The following SDK1 variants were observed in gnomAD, a reference collection of about 807,000 sequenced individuals.
SDK1 encodes the protein protein sidekick-1.
In SDK1, 157 loss-of-function variants were observed where a neutral mutation model predicts 245.5. The observed-to-expected ratio is 0.64, with a 90% confidence interval of 0.56 to 0.73. The LOEUF (loss-of-function observed/expected upper bound fraction) is 0.73. Ranked by LOEUF, SDK1 falls within the 30% of genes least tolerant of loss-of-function variation. The pLI is 0.00. For synonymous variants in SDK1, 1,647 were observed against 1,278.5 expected (o/e 1.29, Z -6.15); for missense variants, 3,583 against 3,002.3 (o/e 1.19, Z -4.52).
intron 19 of SDK1, among the ~76,000 whole-genome samples, chr7:4,062,039 G>A (rs993376446): frequency 8.0e-5 from 12 of 150,214 alleles, no homozygotes; most frequent in Non-Finnish European, 1.2e-4. Flanking sequence ...GCTAAATGAC[G>A]AGTTAATGGG....
chr7:3,509,073 TGTGTGTGTGTGC>T (rs1039683958), intron 1 of SDK1, among the ~76,000 whole-genome samples: 71 of 142,556 alleles, frequency 5.0e-4, no homozygotes, highest in Non-Finnish European at 1.4e-4. Context: ...GTGGGGTGTG[TGTGTGTGTGTGC>T]GTGTGTGTGT....
intron 1 of SDK1, among the ~76,000 whole-genome samples, chr7:3,312,268 C>T (rs1202453860): frequency 6.6e-6 from 1 of 152,184 alleles, no homozygotes; most frequent in African/African-American, 2.4e-5. Context: ...CTGAAACTGA[C>T]CTGCAGAGCA....
At chr7:3,771,756 G>A (rs1292726950) in intron 4 of SDK1, among the ~76,000 whole-genome samples, 1 of 152,026 alleles carries the variant, frequency 6.6e-6, no homozygotes, top group African/African-American at 2.4e-5. Flanking sequence ...GTAAAATACA[G>A]ATAATCAAAA....
chr7:3,302,623 G>A (rs1295993971), intron 1 of SDK1, among the ~76,000 whole-genome samples: 1 of 113,444 alleles, frequency 8.8e-6, no homozygotes, highest in African/African-American at 3.4e-5. Flanking sequence ...CCCCCTCCCC[G>A]CCCCCGACAA....
intron 1 of SDK1, among the ~76,000 whole-genome samples, chr7:3,421,787 T>A (rs1465709677): frequency 1.3e-5 from 2 of 152,170 alleles, no homozygotes; most frequent in East Asian, 3.9e-4. Flanking sequence ...TAGAGTACTG[T>A]AGGTTTATGA....
At chr7:4,198,253 C>T (rs1783694099) in intron 35 of SDK1, among the ~76,000 whole-genome samples, 1 of 152,230 alleles carries the variant, frequency 6.6e-6, no homozygotes, top group Admixed American at 6.5e-5. Flanking sequence ...ACACACCCCC[C>T]TCATTTGCCC....
intron 1 of SDK1, among the ~76,000 whole-genome samples, chr7:3,309,592 A>G (rs117710610): frequency 2.7e-3 from 403 of 147,902 alleles, no homozygotes; most frequent in Non-Finnish European, 4.7e-3. Flanking sequence ...CAGGGATGCA[A>G]CTTTGATTTA....
intron 4 of SDK1, among the ~76,000 whole-genome samples, chr7:3,714,577 C>T (rs545123736): frequency 3.3e-5 from 5 of 152,196 alleles, no homozygotes; most frequent in Non-Finnish European, 7.3e-5. Context: ...AGCATTACTA[C>T]ATTGTAACAC....
At chr7:4,143,090 A>G (rs551959209) in intron 28 of SDK1, among the ~76,000 whole-genome samples, 3 of 152,176 alleles carry the variant, frequency 2.0e-5, no homozygotes, top group South Asian at 4.1e-4. Flanking sequence ...AGGCATTGCA[A>G]AGTTGGGGGT....
intron 2 of SDK1, among the ~76,000 whole-genome samples, chr7:3,626,941 A>G (rs1288101859): frequency 6.8e-6 from 1 of 146,344 alleles, no homozygotes; most frequent in Non-Finnish European, 1.5e-5. Flanking sequence ...TTTTTTTTTT[A>G]TTTTGAGACG....
At chr7:4,089,754 C>T (rs1051262946) in intron 22 of SDK1, among the ~76,000 whole-genome samples, 1 of 152,220 alleles carries the variant, frequency 6.6e-6, no homozygotes, top group Non-Finnish European at 1.5e-5. Context: ...GTAATCTTTC[C>T]CTTTGATTTC....
At chr7:3,765,075 T>C (rs1780216460) in intron 4 of SDK1, among the ~76,000 whole-genome samples, 1 of 152,166 alleles carries the variant, frequency 6.6e-6, no homozygotes, top group Non-Finnish European at 1.5e-5. Flanking sequence ...TTTCTTTTAA[T>C]AATTATAGTT....
intron 1 of SDK1, among the ~76,000 whole-genome samples, chr7:3,455,537 A>C (rs1780640952): frequency 6.6e-6 from 1 of 152,084 alleles, no homozygotes; most frequent in African/African-American, 2.4e-5. Context: ...TATGTTGAAA[A>C]GACCATTCTT....
chr7:3,666,451 G>A (rs1783534617), intron 4 of SDK1, among the ~76,000 whole-genome samples: 1 of 152,146 alleles, frequency 6.6e-6, no homozygotes, highest in Non-Finnish European at 1.5e-5. Flanking sequence ...CACTTTCTCT[G>A]AGACCATTTC....
chr7:3,998,518 G>C (rs1409364449), intron 14 of SDK1, among the ~76,000 whole-genome samples: 3 of 152,150 alleles, frequency 2.0e-5, no homozygotes, highest in African/African-American at 7.2e-5. Context: ...GTTTATGTGA[G>C]AGAATTCAGA....
chr7:4,150,418 T>TCCC (rs1385471488), intron 30 of SDK1, among the ~76,000 whole-genome samples: 16 of 152,268 alleles, frequency 1.1e-4, no homozygotes, highest in African/African-American at 3.8e-4. Flanking sequence ...AAGACGGTTG[T>TCCC]CTCCAGGCTG....
chr7:3,721,675 T>G (rs1351013760), intron 4 of SDK1, among the ~76,000 whole-genome samples: 1 of 151,936 alleles, frequency 6.6e-6, no homozygotes, highest in Admixed American at 6.6e-5. Flanking sequence ...GATCAGAGAG[T>G]GCATTGTGTG....
chr7:3,568,916 T>G (rs1482278196), intron 1 of SDK1, among the ~76,000 whole-genome samples: 7 of 152,144 alleles, frequency 4.6e-5, no homozygotes, highest in Admixed American at 4.6e-4. Context: ...TATAGGCAAT[T>G]TGCTTTAGTA....
chr7:4,208,383 C>A, intron 37 of SDK1, 98 bp downstream of exon 37: 2 of 1,128,038 alleles, frequency 1.8e-6, no homozygotes, highest in Non-Finnish European at 1.3e-6. Context: ...CCGGCCCGCC[C>A]AGGCGGAAGG....
Sources: gnomAD v4.1 joint callset for allele counts (sites outside exome capture counted in the v4.1 genomes callset) on GRCh38, gnomAD v4.1.1 for gene constraint, MANE v1.5 for transcripts, NCBI Gene and HGNC (gene_info 2026-07-23, HGNC 2026-07-21) for gene names.